CENPI: variants seen among roughly 807,000 people sequenced by gnomAD.
CENPI encodes centromere protein I, also known as FSH primary response 1.
Under a neutral mutation model 60.4 loss-of-function variants are expected in CENPI, and 4 were observed. The ratio of observed to expected loss-of-function variants is 0.07; its 90% confidence interval spans 0.03 to 0.15. The LOEUF is 0.15. Among genes scored for constraint, CENPI ranks in the 10% least tolerant of loss-of-function variants. CENPI has a pLI of 1.00. For missense variants in CENPI, 444 were observed against 534.5 expected, an observed-to-expected ratio of 0.83 and a Z score of 1.67; for synonymous variants, 157 against 189.4, an observed-to-expected ratio of 0.83 and a Z score of 1.40.
At chrX:101,126,618 C>A in intron 8 of CENPI, 91 bp from the exon 9 acceptor site, 1 of 686,211 alleles carries the variant, frequency 1.5e-6, no homozygotes, top group South Asian at 2.5e-5. Flanking sequence ...AAATTATGGT[C>A]TGAATATACT....
rs144290073 is a variant in CENPI, at chrX:101,104,679, C to T, written c.364+2268C>T. On this transcript the variant is annotated intron_variant, in intron 4 of 21. Coordinates refer to ENST00000682095, the MANE Select transcript of CENPI (RefSeq NM_001386188.2). Reference sequence around the variant, plus strand: ...TTTGAGACCAGCCTGGGCAACAAAGCGAAACCTTGTCTACAAAATGTTAAA... The same window carrying T: ...TTTGAGACCAGCCTGGGCAACAAAGTGAAACCTTGTCTACAAAATGTTAAA... Among the ~76,000 whole-genome samples the T allele has an allele frequency of 2.9e-3, 292 of 99,303 alleles. 3 individuals carry two copies. The highest frequency in any genetic ancestry group is 9.8e-3 in the African/African-American group (267 of 27,268). 86.2% of individuals were successfully genotyped at this position (99,303 alleles called of 115,157 possible).
intron 20 of CENPI, among the ~76,000 whole-genome samples, chrX:101,155,873 C>T (rs1042351033): frequency 8.0e-5 from 9 of 112,144 alleles, no homozygotes; most frequent in African/African-American, 2.6e-4. Flanking sequence ...GCTAGATTGT[C>T]ATGTAAGACT....
chrX:101,169,191 A>T (rs1245055095), downstream of CENPI, among the ~76,000 whole-genome samples: 1 of 112,489 alleles, frequency 8.9e-6, no homozygotes, highest in Non-Finnish European at 1.9e-5. Flanking sequence ...AAATATGCTC[A>T]TAATGGGAAT....
At chrX:101,174,368 G>C in the CENPI span, among the ~76,000 whole-genome samples, 1 of 111,847 alleles carries the variant, frequency 8.9e-6, no homozygotes, top group African/African-American at 3.3e-5. Flanking sequence ...ACATGCACTC[G>C]TGTGTTCATT....
intron 21 of CENPI, among the ~76,000 whole-genome samples, chrX:101,162,473 A>AAAAAAATATATATATATATATATATAT (rs1303045267): frequency 1.5e-5 from 1 of 68,129 alleles, no homozygotes; most frequent in African/African-American, 6.9e-5. Flanking sequence ...AAAAAAAAAA[A>AAAAAAATATATATATATATATATATAT]ATATATATAT....
chrX:101,130,448 C>A (rs746605622), intron 13 of CENPI, among the ~76,000 whole-genome samples: 65 of 111,565 alleles, frequency 5.8e-4, no homozygotes, highest in African/African-American at 2.0e-3. Context: ...ACAACAACAA[C>A]AAAAAACCCT....
In CENPI at chrX:101,101,220, A is replaced by G. The variant is rs767761216; in HGVS notation, c.150A>G (p.Pro50=). The change falls in exon 3 of 22, where the codon CCA becomes CCG. Residue 50 remains proline, a synonymous_variant. Coordinates refer to ENST00000682095, the MANE Select transcript of CENPI (RefSeq NM_001386188.2). ...KNISKHGQNN[P]VGDYEHADDQ... ...TCTCAAAACATGGACAAAACAATCC[A>G]GTGGGAGATTATGAACATGCTGATG... 2 of 1,208,757 alleles carry G rather than the reference A, an allele frequency of 1.7e-6. No individual in the cohort carries two copies. The highest frequency in any genetic ancestry group is 1.8e-5 in the South Asian group (1 of 56,814).
At position 101,138,943 on chromosome X, in the gene CENPI, C is replaced by CT. The variant is rs757166491; in HGVS notation, c.1471-1704dup. ...GCATGGCCAAGATTTTTGTTTTCTACTTTTTTTTTTTTTTTTTTTAGTTTT... is the reference window on the plus strand; with the variant it reads ...GCATGGCCAAGATTTTTGTTTTCTACTTTTTTTTTTTTTTTTTTTTAGTTTT... On this transcript the variant is annotated intron_variant, in intron 15 of 21. Transcript: ENST00000682095. Among the ~76,000 whole-genome samples the CT allele has an allele frequency of 7.7e-3, 698 of 90,704 alleles. 9 individuals carry two copies. The highest frequency in any genetic ancestry group is 0.019 in the African/African-American group (469 of 25,186). 78.8% of individuals were successfully genotyped at this position (90,704 alleles called of 115,157 possible).
chrX:101,174,728 G>A, the CENPI span, among the ~76,000 whole-genome samples: 1 of 110,961 alleles, frequency 9.0e-6, no homozygotes, highest in African/African-American at 3.3e-5. Flanking sequence ...CCTGGGTGAT[G>A]GGGTCAATCA....
the CENPI span, among the ~76,000 whole-genome samples, chrX:101,173,314 C>CTTTTTTTT: frequency 2.0e-5 from 1 of 50,506 alleles, no homozygotes; most frequent in Non-Finnish European, 3.3e-5. Flanking sequence ...TGCCTGGCCT[C>CTTTTTTTT]TTTTTTTTTT....
intron 16 of CENPI, among the ~76,000 whole-genome samples, chrX:101,141,877 G>A (rs1304285418): frequency 9.1e-5 from 10 of 110,384 alleles, no homozygotes; most frequent in Non-Finnish European, 1.7e-4. Flanking sequence ...GACCACAAGC[G>A]TGCACCACCA....
chrX:101,112,689 G>A (rs750354345), intron 6 of CENPI, among the ~76,000 whole-genome samples: 103 of 111,790 alleles, frequency 9.2e-4, no homozygotes, highest in African/African-American at 3.1e-3. Context: ...GTTCTCTTAA[G>A]CCAGAGACAT....
intron 6 of CENPI, among the ~76,000 whole-genome samples, chrX:101,115,487 C>G (rs1451324492): frequency 9.0e-6 from 1 of 110,717 alleles, no homozygotes; most frequent in African/African-American, 3.3e-5. Context: ...CTTCATCCTT[C>G]AGAGTAGCTG....
At chrX:101,120,563 G>T in intron 7 of CENPI, 113 bp downstream of exon 7, 1 of 602,382 alleles carries the variant, frequency 1.7e-6, no homozygotes, top group Non-Finnish European at 2.6e-6. Context: ...TCATTTTGTG[G>T]AAATTGCTTT....
the CENPI span, among the ~76,000 whole-genome samples, chrX:101,178,654 A>C: frequency 9.1e-6 from 1 of 109,626 alleles, no homozygotes; most frequent in Non-Finnish European, 1.9e-5. Flanking sequence ...CAGGTGATCC[A>C]CCCGCCTCGG....
intron 15 of CENPI, among the ~76,000 whole-genome samples, chrX:101,139,603 G>A (rs2089891812): frequency 8.9e-6 from 1 of 111,819 alleles, no homozygotes; most frequent in African/African-American, 3.2e-5. Flanking sequence ...CTGAATGTGA[G>A]TTGTCAAAAA....
In CENPI at chrX:101,151,581, C is replaced by T. The variant is rs760854311; in HGVS notation, c.2094+3420C>T. Among the ~76,000 whole-genome samples the T allele has an allele frequency of 4.8e-4, 53 of 111,453 alleles. No homozygotes were observed. In the South Asian group the frequency reaches 7.9e-3, roughly 17 times the overall value. On this transcript the variant is annotated intron_variant, in intron 20 of 21. Transcript: ENST00000682095. ...ACGGGGTGGCTCACGCCTGTAATCG[C>T]AGCACTTTGGGAGGCCAAGGCGGGC... is the stretch of plus-strand genomic sequence containing the variant.
chrX:101,147,295 C>T (rs2089970604), intron 18 of CENPI, among the ~76,000 whole-genome samples: 1 of 109,871 alleles, frequency 9.1e-6, no homozygotes, highest in Non-Finnish European at 1.9e-5. Flanking sequence ...TATACATGTG[C>T]CATGGTGGTT....
At chrX:101,110,662 G>A (rs1204043635) in intron 6 of CENPI, among the ~76,000 whole-genome samples, 1 of 111,801 alleles carries the variant, frequency 8.9e-6, no homozygotes, top group East Asian at 2.8e-4. Flanking sequence ...TGTTTCCAGT[G>A]TGTTCATTGC....
Sources: gnomAD v4.1 joint callset for allele counts (sites outside exome capture counted in the v4.1 genomes callset) on GRCh38, gnomAD v4.1.1 for gene constraint, MANE v1.5 for transcripts, NCBI Gene and HGNC (gene_info 2026-07-23, HGNC 2026-07-21) for gene names.